Variants in RALGPS1 observed in about 807,000 individuals in gnomAD.
RALGPS1 encodes ras-specific guanine nucleotide-releasing factor RalGPS1.
RALGPS1 carries 19 observed loss-of-function variants against 78.8 expected under a neutral mutation model. The observed-to-expected ratio is 0.24, with a 90% CI of 0.17 to 0.35. The LOEUF is 0.35. Ranked by LOEUF, RALGPS1 falls within the 10% of genes least tolerant of loss-of-function variation. The pLI is 1.00. For missense variants in RALGPS1, 454 were observed against 688.3 expected (o/e 0.66, Z 3.81); for synonymous variants, 228 against 256.3 (o/e 0.89, Z 1.06).
intron 4 of RALGPS1, among the ~76,000 whole-genome samples, chr9:126,996,805 C>G (rs1471051542): frequency 2.0e-5 from 3 of 152,202 alleles, no homozygotes; most frequent in Admixed American, 2.0e-4. Flanking sequence ...CAAACCAAAT[C>G]CAGCAGCACA....
rs78446320 is a variant in RALGPS1 at position 127,066,074 on chromosome 9, A to T, written c.484-3156A>T. On this transcript the variant is annotated intron_variant, in intron 7 of 18. Transcript: ENST00000259351. ...AAGTTGGGGATGAGGCATAGAAGAT[A>T]GGCTGATCAGCTCTGAGGTGCTGTC... Among the ~76,000 whole-genome samples, 768 of 152,312 alleles carry T rather than the reference A, an allele frequency of 5.0e-3. 22 individuals carry two copies. In the East Asian group the frequency reaches 0.077, roughly 15 times the overall value.
chr9:127,126,625 T>G (rs1291813186), intron 8 of RALGPS1, among the ~76,000 whole-genome samples: 3 of 152,254 alleles, frequency 2.0e-5, no homozygotes, highest in African/African-American at 7.2e-5. Context: ...TCTACAGCAT[T>G]TAATCGGCTG....
intron 1 of RALGPS1, among the ~76,000 whole-genome samples, chr9:126,939,040 C>G (rs939080636): frequency 6.6e-6 from 1 of 152,204 alleles, no homozygotes; most frequent in African/African-American, 2.4e-5. Context: ...CTTGGCTGAG[C>G]TGTACCTACA....
At chr9:127,089,742 A>C (rs904046650) in intron 8 of RALGPS1, among the ~76,000 whole-genome samples, 1 of 152,258 alleles carries the variant, frequency 6.6e-6, no homozygotes, top group African/African-American at 2.4e-5. Flanking sequence ...GCATTATCAC[A>C]TCATGCTGAA....
At chr9:126,956,629 T>C (rs1018543329) in intron 1 of RALGPS1, among the ~76,000 whole-genome samples, 7 of 152,070 alleles carry the variant, frequency 4.6e-5, no homozygotes, top group African/African-American at 1.7e-4. Context: ...CTCCTGTACT[T>C]GGACCCCTGG....
chr9:127,094,514 T>C (rs2052878870), intron 8 of RALGPS1, among the ~76,000 whole-genome samples: 1 of 152,252 alleles, frequency 6.6e-6, no homozygotes, highest in Non-Finnish European at 1.5e-5. Flanking sequence ...CTGCAGCTTT[T>C]ACTAAATGAA....
At chr9:127,118,502 A>C (rs1024053570) in intron 8 of RALGPS1, among the ~76,000 whole-genome samples, 21 of 152,256 alleles carry the variant, frequency 1.4e-4, no homozygotes, top group Admixed American at 6.5e-4. Context: ...GGATGGCAGC[A>C]GGCTGGGGTG....
At chr9:127,192,587 G>A (rs935033250) in intron 11 of RALGPS1, among the ~76,000 whole-genome samples, 3 of 152,150 alleles carry the variant, frequency 2.0e-5, no homozygotes, top group Non-Finnish European at 4.4e-5. Flanking sequence ...GAGCCGGGGA[G>A]GTCGAGGCTG....
At chr9:127,134,923 C>T (rs1425486708) in intron 8 of RALGPS1, among the ~76,000 whole-genome samples, 2 of 152,178 alleles carry the variant, frequency 1.3e-5, no homozygotes, top group African/African-American at 4.8e-5. Flanking sequence ...CTCTCCGGCC[C>T]AGTGAGTCCA....
At chr9:127,113,882 C>T (rs540159938) in intron 8 of RALGPS1, among the ~76,000 whole-genome samples, 1 of 152,368 alleles carries the variant, frequency 6.6e-6, no homozygotes, top group East Asian at 1.9e-4. Flanking sequence ...CCTCTCACCA[C>T]TGTGGTGCCA....
chr9:127,216,623 T>C (rs1210910786), intron 18 of RALGPS1, among the ~76,000 whole-genome samples: 1 of 152,228 alleles, frequency 6.6e-6, no homozygotes, highest in African/African-American at 2.4e-5. Context: ...ATTCTGTAGC[T>C]TCTAGAGAGC....
chr9:127,006,265 T>G (rs566619003), intron 4 of RALGPS1, among the ~76,000 whole-genome samples: 1 of 152,332 alleles, frequency 6.6e-6, no homozygotes, highest in East Asian at 1.9e-4. Flanking sequence ...GGACAAGCCA[T>G]TCGTGAAGGA....
intron 1 of RALGPS1, among the ~76,000 whole-genome samples, chr9:126,931,183 G>A (rs184818758): frequency 7.2e-5 from 11 of 152,266 alleles, no homozygotes; most frequent in Admixed American, 2.6e-4. Flanking sequence ...AATTCGGCAC[G>A]ATACCGCTTA....
chr9:126,987,953 A>G (rs2041955463), intron 4 of RALGPS1, among the ~76,000 whole-genome samples: 2 of 152,170 alleles, frequency 1.3e-5, no homozygotes, highest in Non-Finnish European at 2.9e-5. Context: ...CACAGAAGGG[A>G]TGTTTGAATA....
intron 5 of RALGPS1, 117 bp from the exon 6 acceptor site, chr9:127,049,926 G>C (rs1253594642): frequency 2.6e-6 from 2 of 762,098 alleles, no homozygotes; most frequent in South Asian, 1.6e-5. Flanking sequence ...TCCTCTCCCA[G>C]TTTCCTGACC....
intron 1 of RALGPS1, among the ~76,000 whole-genome samples, chr9:126,932,320 A>C (rs1464898248): frequency 6.6e-6 from 1 of 152,202 alleles, no homozygotes; most frequent in Non-Finnish European, 1.5e-5. Context: ...CACTTTGGAA[A>C]ATTGACATCA....
rs143182577 is a variant in RALGPS1, at chr9:127,037,697, G to T, written c.300+3183G>T. Among the ~76,000 whole-genome samples, 601 of 152,322 alleles carry T rather than the reference G, an allele frequency of 3.9e-3. 3 individuals carry two copies. Among genetic ancestry groups the T allele is most frequent in the South Asian group, 0.019 (92 of 4,828 alleles). On this transcript the variant is annotated intron_variant, in intron 5 of 18. Coordinates refer to ENST00000259351, the MANE Select transcript of RALGPS1 (RefSeq NM_014636.3). ...TGCAGGATGGCTAGCAACAATTCCA[G>T]GCTTGTATCATATTCCGAGGGCAAC...
intron 4 of RALGPS1, among the ~76,000 whole-genome samples, chr9:126,988,866 A>T (rs2042032987): frequency 6.6e-6 from 1 of 152,176 alleles, no homozygotes; most frequent in Non-Finnish European, 1.5e-5. Flanking sequence ...GGATGCACAG[A>T]AAGTGGCCCT....
intron 8 of RALGPS1, chr9:127,089,171 G>T: frequency 6.2e-7 from 1 of 1,610,418 alleles, no homozygotes; most frequent in Non-Finnish European, 8.5e-7. Flanking sequence ...AGGGTGTCTG[G>T]GAGGAGGCCA....
Sources: allele counts gnomAD v4.1 joint callset (sites outside exome capture counted in the v4.1 genomes callset), GRCh38; gene constraint gnomAD v4.1.1; transcripts MANE v1.5; gene names NCBI Gene and HGNC (gene_info 2026-07-23, HGNC 2026-07-21).